CAMTA1: variants seen among roughly 807,000 people sequenced by gnomAD.
CAMTA1 encodes calmodulin-binding transcription activator 1.
A neutral mutation model predicts 170.9 loss-of-function variants in CAMTA1; 27 were observed. The ratio of observed to expected loss-of-function variants is 0.16; its 90% CI spans 0.12 to 0.22. CAMTA1 has a LOEUF of 0.22. CAMTA1 is among the 10% of genes least tolerant of loss of function. CAMTA1 has a pLI of 1.00. For missense variants in CAMTA1, 1,619 were observed against 2,217.2 expected (o/e 0.73, Z 5.42); for synonymous variants, 833 against 891.5 (o/e 0.93, Z 1.17).
At chr1:6,904,969 G>C (rs903969691) in intron 3 of CAMTA1, among the ~76,000 whole-genome samples, 107 of 151,850 alleles carry the variant, frequency 7.0e-4, no homozygotes, top group African/African-American at 2.5e-3. Flanking sequence ...TTCTCCAACA[G>C]GTTATTCGTG....
chr1:7,390,559 T>C (rs925400166), intron 5 of CAMTA1, among the ~76,000 whole-genome samples: 4 of 152,252 alleles, frequency 2.6e-5, no homozygotes, highest in African/African-American at 9.6e-5. Context: ...AGTTTCCTCC[T>C]GTCTACAACA....
intron 16 of CAMTA1, among the ~76,000 whole-genome samples, chr1:7,740,784 C>T (rs1385383910): frequency 3.3e-5 from 5 of 152,158 alleles, no homozygotes; most frequent in Admixed American, 3.3e-4. Flanking sequence ...AAGTGGCCTT[C>T]ACTGAAACAG....
rs892947272 is a variant in CAMTA1 at position 7,453,812 on chromosome 1, C to T, written c.439-14018C>T. On this transcript the variant is annotated intron_variant, in intron 5 of 22. Transcript: ENST00000303635. ...CCCCTGAGGGAGGGAAGGAAAGGGA[C>T]GGTGGGGTTCCCACTTTCCTTGGAG... 7.9e-5 allele frequency among the ~76,000 whole-genome samples: 12 copies of T among 152,344 alleles called. No homozygotes were observed. In the South Asian group the frequency reaches 1.2e-3, roughly 16 times the overall value.
chr1:7,221,015 C>T (rs7415614), intron 4 of CAMTA1, among the ~76,000 whole-genome samples: 1 of 152,146 alleles, frequency 6.6e-6, no homozygotes, highest in Non-Finnish European at 1.5e-5. Context: ...GGAATTCCTC[C>T]TAGAGCCCAC....
At chr1:7,228,495 G>A (rs1237843438) in intron 4 of CAMTA1, among the ~76,000 whole-genome samples, 1 of 152,202 alleles carries the variant, frequency 6.6e-6, no homozygotes, top group Non-Finnish European at 1.5e-5. Context: ...GGGCCCTGTG[G>A]TCTCTGTTCC....
intron 6 of CAMTA1, among the ~76,000 whole-genome samples, chr1:7,509,405 G>A (rs2094169011): frequency 6.6e-6 from 1 of 152,186 alleles, no homozygotes; most frequent in Non-Finnish European, 1.5e-5. Flanking sequence ...TCAGAACAGA[G>A]AGAAAACACC....
At chr1:7,329,890 C>T (rs1306525410) in intron 5 of CAMTA1, among the ~76,000 whole-genome samples, 1 of 152,070 alleles carries the variant, frequency 6.6e-6, no homozygotes, top group African/African-American at 2.4e-5. Flanking sequence ...ACGCAACTGG[C>T]AAAAATACAC....
chr1:6,797,531 A>G (rs1298539005), intron 1 of CAMTA1, among the ~76,000 whole-genome samples: 3 of 151,038 alleles, frequency 2.0e-5, no homozygotes, highest in Non-Finnish European at 2.9e-5. Context: ...GATTACATGC[A>G]TGCACCACCA....
intron 5 of CAMTA1, among the ~76,000 whole-genome samples, chr1:7,448,428 G>A (rs140633436): frequency 6.6e-6 from 1 of 152,304 alleles, no homozygotes; most frequent in East Asian, 1.9e-4. Flanking sequence ...GCTCAGCTGA[G>A]GCCTCTGTGG....
chr1:6,809,945 C>A (rs1263508853), intron 1 of CAMTA1, among the ~76,000 whole-genome samples: 1 of 151,950 alleles, frequency 6.6e-6, no homozygotes, highest in African/African-American at 2.4e-5. Flanking sequence ...ATTTCAGAAC[C>A]GTGGTGGCAT....
chr1:7,276,289 A>ATTTT (rs1393755906), intron 5 of CAMTA1, among the ~76,000 whole-genome samples: 4 of 53,506 alleles, frequency 7.5e-5, no homozygotes, highest in East Asian at 5.4e-4. Flanking sequence ...ATATATATAT[A>ATTTT]TATATATATA....
At chr1:7,705,304 G>T (rs1166853488) in intron 11 of CAMTA1, among the ~76,000 whole-genome samples, 2 of 150,770 alleles carry the variant, frequency 1.3e-5, no homozygotes, top group African/African-American at 4.9e-5. Flanking sequence ...GCGAGGGTGT[G>T]TCGACGCCCG....
chr1:6,825,274 C>T (rs1240635720), intron 3 of CAMTA1, 64 bp downstream of exon 3: 5 of 751,828 alleles, frequency 6.7e-6, no homozygotes, highest in Non-Finnish European at 1.1e-5. Context: ...GGTTGCTTCA[C>T]ATAGTCCTAC....
intron 3 of CAMTA1, among the ~76,000 whole-genome samples, chr1:6,907,631 T>C (rs1045771065): frequency 3.3e-5 from 5 of 152,168 alleles, no homozygotes; most frequent in Admixed American, 1.3e-4. Flanking sequence ...CCATAGTCTC[T>C]TCCCAGTAAG....
At chr1:7,526,734 C>T (rs1421514778) in intron 6 of CAMTA1, among the ~76,000 whole-genome samples, 4 of 152,218 alleles carry the variant, frequency 2.6e-5, no homozygotes, top group Non-Finnish European at 5.9e-5. Context: ...AGTGAGCCTT[C>T]TGGATACCCT....
chr1:6,890,186 G>A (rs1190073557), intron 3 of CAMTA1, among the ~76,000 whole-genome samples: 1 of 152,120 alleles, frequency 6.6e-6, no homozygotes, highest in East Asian at 1.9e-4. Flanking sequence ...TTTTTCATGT[G>A]TTCAGTGCTC....
intron 5 of CAMTA1, among the ~76,000 whole-genome samples, chr1:7,410,433 G>A (rs2090633394): frequency 6.6e-6 from 1 of 152,274 alleles, no homozygotes; most frequent in African/African-American, 2.4e-5. Context: ...CCACGTGGGT[G>A]CAGAGTGACA....
intron 1 of CAMTA1, among the ~76,000 whole-genome samples, chr1:6,813,573 A>G (rs1429567155): frequency 6.6e-6 from 1 of 151,958 alleles, no homozygotes; most frequent in Non-Finnish European, 1.5e-5. Context: ...TTCTTTAAAA[A>G]TATCTGCAAC....
rs779727670 is a variant in CAMTA1 at position 7,173,708 on chromosome 1, T to TA, written c.303-75781dup. Among the ~76,000 whole-genome samples the TA allele has an allele frequency of 3.0e-4, 45 of 151,744 alleles. No homozygotes were observed. Among genetic ancestry groups the TA allele is most frequent in the African/African-American group, 6.3e-4 (26 of 41,406 alleles). On this transcript the variant is annotated intron_variant, in intron 4 of 22. Transcript: ENST00000303635. The surrounding 1 kb of genome is among the most constrained non-coding windows in gnomAD (Gnocchi z 5.4). ...CAGCCCAGAGCTTAATTTTTTTTTTTAATTATTTCTTTCTAGCCTTCTTTA... is the reference window on the plus strand; with the variant it reads ...CAGCCCAGAGCTTAATTTTTTTTTTTAAATTATTTCTTTCTAGCCTTCTTTA...
Sources: gnomAD v4.1 joint callset for allele counts (sites outside exome capture counted in the v4.1 genomes callset) on GRCh38, gnomAD v4.1.1 for gene constraint, Gnocchi (gnomAD v3.1) non-coding constraint, MANE v1.5 for transcripts, NCBI Gene and HGNC (gene_info 2026-07-23, HGNC 2026-07-21) for gene names.